Variants in VPS13A observed in about 807,000 individuals in gnomAD.
The protein encoded by VPS13A is intermembrane lipid transfer protein VPS13A.
In VPS13A, 264 loss-of-function variants were observed where a neutral mutation model predicts 390.9. The observed-to-expected ratio is 0.68, with a 90% confidence interval of 0.61 to 0.75. VPS13A has a LOEUF of 0.75. Among genes scored for constraint, VPS13A ranks in the 30% least tolerant of loss-of-function variants. The pLI, the probability that VPS13A is intolerant of heterozygous loss-of-function variation, is 0.00. For synonymous variants in VPS13A, 1,231 were observed against 1,227.1 expected, an observed-to-expected ratio of 1.00 and a Z score of -0.07; for missense variants, 3,409 against 3,733.9, an observed-to-expected ratio of 0.91 and a Z score of 2.27.
At chr9:77,192,119 ATTG>A (rs1824723602) in intron 1 of VPS13A, among the ~76,000 whole-genome samples, 1 of 151,672 alleles carries the variant, frequency 6.6e-6, no homozygotes, top group East Asian at 1.9e-4. Context: ...GTCCTTTTTG[ATTG>A]TTGTTGGTTT....
chr9:77,235,348 A>G (rs938179743), intron 17 of VPS13A, among the ~76,000 whole-genome samples: 1 of 152,056 alleles, frequency 6.6e-6, no homozygotes, highest in Admixed American at 6.6e-5. Flanking sequence ...TTTTTCATTT[A>G]GTGCTTTAAG....
intron 71 of VPS13A, among the ~76,000 whole-genome samples, chr9:77,411,145 C>T (rs1393875697): frequency 6.6e-5 from 10 of 152,004 alleles, no homozygotes; most frequent in African/African-American, 2.4e-4. Flanking sequence ...CACTTAAAAC[C>T]ACTCAACTAC....
intron 23 of VPS13A, among the ~76,000 whole-genome samples, chr9:77,264,292 C>G (rs1028406867): frequency 5.3e-5 from 8 of 152,000 alleles, no homozygotes; most frequent in African/African-American, 1.7e-4. Flanking sequence ...TTTTTTGGTT[C>G]CATATGAACT....
intron 1 of VPS13A, among the ~76,000 whole-genome samples, chr9:77,198,424 A>G (rs938963313): frequency 5.9e-5 from 9 of 152,104 alleles, no homozygotes; most frequent in African/African-American, 2.2e-4. Context: ...ACCTTTTTGC[A>G]TTGGTAACAT....
chr9:77,319,539 G>T, intron 41 of VPS13A, 33 bp from the exon 42 acceptor site: 1 of 1,379,740 alleles, frequency 7.2e-7, no homozygotes. Flanking sequence ...CAGGATGGAA[G>T]ATCATTTTTA....
chr9:77,346,741 G>T (rs1329170832), intron 52 of VPS13A, among the ~76,000 whole-genome samples: 2 of 152,170 alleles, frequency 1.3e-5, no homozygotes, highest in African/African-American at 2.4e-5. Context: ...TCTACATGTG[G>T]CTTGCCCACG....
intron 68 of VPS13A, among the ~76,000 whole-genome samples, chr9:77,388,458 TATG>T (rs1460561367): frequency 6.6e-6 from 1 of 152,170 alleles, no homozygotes; most frequent in African/African-American, 2.4e-5. Context: ...TCTCAATAAG[TATG>T]ATAAATTTAT....
chr9:77,298,485 G>A (rs549729459), intron 33 of VPS13A, among the ~76,000 whole-genome samples: 10 of 152,294 alleles, frequency 6.6e-5, no homozygotes, highest in South Asian at 2.1e-4. Flanking sequence ...AGGCAGCAGT[G>A]AGGGTCCTGC....
chr9:77,278,321 C>T (rs1229219447), intron 26 of VPS13A, among the ~76,000 whole-genome samples: 3 of 151,204 alleles, frequency 2.0e-5, no homozygotes, highest in African/African-American at 7.3e-5. Flanking sequence ...GATCCGCCCG[C>T]CTTGGCCTCC....
chr9:77,339,419 C>A, intron 47 of VPS13A, 97 bp from the exon 48 acceptor site: 1 of 1,234,612 alleles, frequency 8.1e-7, no homozygotes. Context: ...ATTTCAAAAG[C>A]ATTTTTTGCA....
chr9:77,306,688 C>T (rs1828772484), intron 34 of VPS13A, among the ~76,000 whole-genome samples: 1 of 151,994 alleles, frequency 6.6e-6, no homozygotes, highest in Non-Finnish European at 1.5e-5. Context: ...GGTCCACCTA[C>T]ATTATGGAGT....
chr9:77,202,477 T>A (rs1306129764), intron 3 of VPS13A, among the ~76,000 whole-genome samples: 1 of 152,176 alleles, frequency 6.6e-6, no homozygotes, highest in Admixed American at 6.5e-5. Flanking sequence ...CTGAGTTGAT[T>A]TGATCTCATT....
intron 33 of VPS13A, among the ~76,000 whole-genome samples, chr9:77,297,867 A>G (rs979658372): frequency 6.6e-6 from 1 of 152,184 alleles, no homozygotes; most frequent in East Asian, 1.9e-4. Flanking sequence ...AAAAGGAGAC[A>G]AAACTAGAGG....
At chr9:77,301,548 A>G (rs751495820) in intron 33 of VPS13A, among the ~76,000 whole-genome samples, 7 of 152,202 alleles carry the variant, frequency 4.6e-5, no homozygotes, top group Non-Finnish European at 7.3e-5. Context: ...TGATTAAATG[A>G]TTGCCAAAAT....
At position 77,351,145 on chromosome 9, in the gene VPS13A, T is replaced by C. The variant is rs536227087; in HGVS notation, c.7290-172T>C. 5 of 705,360 alleles carry C rather than the reference T, an allele frequency of 7.1e-6. No individual in the cohort carries two copies. In the East Asian group the frequency reaches 1.7e-4, roughly 24 times the overall value. 43.7% of individuals were successfully genotyped at this position (705,360 alleles called of 1,614,324 possible). ...CTAAGTGGGAAAATAATGAGAAATA[T>C]TCATTAGTGAACCCTTTTTTAATTG... is the stretch of plus-strand genomic sequence containing the variant. On this transcript the variant is annotated intron_variant, in intron 52 of 71. Transcript: ENST00000360280.
At chr9:77,301,269 G>A (rs1828334714) in intron 33 of VPS13A, among the ~76,000 whole-genome samples, 1 of 151,994 alleles carries the variant, frequency 6.6e-6, no homozygotes, top group African/African-American at 2.4e-5. Flanking sequence ...ATCATAGAAG[G>A]TTAATTAAAA....
Position 77,382,016 on chromosome 9 carries a change from C to CGGTTCTTCAA in VPS13A, c.9119_9128dup (p.Asn3043LysfsTer5), listed in dbSNP as rs1833466751. On this transcript the variant is annotated frameshift_variant, in exon 68 of 72. Transcript: ENST00000360280. LOFTEE classifies it high-confidence loss of function. ...TGAAGTGGAGAGTCTGCGACCTCCT[C>CGGTTCTTCAA]GGTTCTTCAATGAAGATGGAGTTAT... The CGGTTCTTCAA allele has an allele frequency of 6.2e-7, 1 of 1,607,544 alleles. No homozygotes were observed. The highest frequency in any genetic ancestry group is 8.5e-7 in the Non-Finnish European group (1 of 1,176,624).
At chr9:77,378,905 A>G (rs1218269578) in intron 67 of VPS13A, among the ~76,000 whole-genome samples, 1 of 151,668 alleles carries the variant, frequency 6.6e-6, no homozygotes, top group Non-Finnish European at 1.5e-5. Context: ...ATTTGTTTCA[A>G]AGTAGTGAAT....
intron 20 of VPS13A, among the ~76,000 whole-genome samples, chr9:77,249,621 AGG>A (rs1825038807): frequency 6.6e-6 from 1 of 152,220 alleles, no homozygotes; most frequent in Admixed American, 6.5e-5. Flanking sequence ...ATGCCAATAA[AGG>A]AGAGATACAA....
Sources: allele counts gnomAD v4.1 joint callset (sites outside exome capture counted in the v4.1 genomes callset), GRCh38; gene constraint gnomAD v4.1.1; transcripts MANE v1.5; gene names NCBI Gene and HGNC (gene_info 2026-07-23, HGNC 2026-07-21).